The following CD109 variants were observed in gnomAD, a reference collection of about 807,000 sequenced individuals.
The protein encoded by CD109 is CD109 antigen.
CD109 carries 149 observed loss-of-function variants against 165.8 expected under a neutral mutation model. The ratio of observed to expected loss-of-function variants is 0.90; its 90% CI spans 0.79 to 1.03. The LOEUF (loss-of-function observed/expected upper bound fraction) is 1.03. CD109 is among the 50% of genes least tolerant of loss of function. The pLI, the probability that CD109 is intolerant of heterozygous loss-of-function variation, is 0.00. For synonymous variants in CD109, 585 were observed against 592.1 expected (o/e 0.99, Z 0.18); for missense variants, 1,712 against 1,677.8 (o/e 1.02, Z -0.36).
Position 73,763,620 on chromosome 6 carries a change from G to GATT in CD109, c.1044_1046dup (p.Tyr349dup). ...CACTAATGTGTTCTTCAAGCAACAT[G>GATT]ATTACATCATTGAGTTTTTTGATTA... On this transcript the variant is annotated inframe_insertion, in exon 10 of 33. Coordinates refer to ENST00000287097, the MANE Select transcript of CD109 (RefSeq NM_133493.5). 1 of 1,596,410 alleles carries GATT rather than the reference G, an allele frequency of 6.3e-7. No homozygotes were observed. The highest frequency in any genetic ancestry group is 8.5e-7 in the Non-Finnish European group (1 of 1,170,350).
At chr6:73,777,398 GT>G (rs1280188260) in intron 15 of CD109, among the ~76,000 whole-genome samples, 1 of 152,046 alleles carries the variant, frequency 6.6e-6, no homozygotes, top group Non-Finnish European at 1.5e-5. Flanking sequence ...TGTGTTGATA[GT>G]TTCTTTCACT....
At chr6:73,777,798 C>T (rs988914202) in intron 15 of CD109, among the ~76,000 whole-genome samples, 2 of 152,102 alleles carry the variant, frequency 1.3e-5, no homozygotes, top group African/African-American at 2.4e-5. Flanking sequence ...GAGTACCATG[C>T]TGTTTTGGTT....
intron 20 of CD109, 73 bp downstream of exon 20, chr6:73,785,550 G>T: frequency 1.3e-6 from 1 of 781,772 alleles, no homozygotes; most frequent in South Asian, 1.7e-5. Context: ...GGATTGGGTT[G>T]TGTAGTATCT....
rs750803840 is a variant in CD109 at position 73,812,241 on chromosome 6, G to T, written c.3739G>T (p.Ala1247Ser). The T allele has an allele frequency of 6.2e-7, 1 of 1,609,098 alleles. No individual in the cohort carries two copies. Among genetic ancestry groups the T allele is most frequent in the Non-Finnish European group, 8.5e-7 (1 of 1,177,074 alleles). ...ACAGCCAACGGCAGTTAATATTTCC[G>T]CAAATGGTTTTGGATTTGCTATTTG... is the stretch of plus-strand genomic sequence containing the variant. ...VVQPTAVNIS[A>S]NGFGFAICQL... is the part of the protein sequence containing the mutation. Residue 1247 changes from alanine to serine, a missense_variant, in exon 29 of 33, where the codon GCA becomes TCA. Ala to Ser is a moderately conservative substitution (Grantham distance 99). Coordinates refer to ENST00000287097, the MANE Select transcript of CD109 (RefSeq NM_133493.5).
At chr6:73,741,244 A>G (rs763680276) in intron 5 of CD109, among the ~76,000 whole-genome samples, 31 of 152,198 alleles carry the variant, frequency 2.0e-4, no homozygotes, top group Non-Finnish European at 4.0e-4. Flanking sequence ...TAATTGACAC[A>G]CATATTCTAG....
intron 14 of CD109, 45 bp downstream of exon 14, chr6:73,768,276 T>C: frequency 2.6e-6 from 3 of 1,168,274 alleles, no homozygotes; most frequent in Non-Finnish European, 3.7e-6. Context: ...TTTATATTAG[T>C]GAAGTCTGAG....
At chr6:73,751,275 T>C (rs899914359) in intron 5 of CD109, among the ~76,000 whole-genome samples, 2 of 152,226 alleles carry the variant, frequency 1.3e-5, no homozygotes. Flanking sequence ...TTTTCCTTTT[T>C]AGAACTCCTT....
At chr6:73,695,959 A>T (rs572691274), upstream of CD109, 32 of 475,464 alleles carry the variant, frequency 6.7e-5, no homozygotes, top group Non-Finnish European at 1.1e-4. Context: ...TGCGTTTAGC[A>T]ACTGCTTTCT....
Position 73,763,567 on chromosome 6 carries a change from C to T in CD109, c.998-9C>T. The T allele has an allele frequency of 6.7e-7, 1 of 1,481,692 alleles. No individual in the cohort carries two copies. 91.8% of individuals were successfully genotyped at this position (1,481,692 alleles called of 1,614,324 possible). Reference sequence around the variant, plus strand: ...TTTTGCTTTCTAAATTGTGCAATTTCCAAAAAAGGTATTTCAAGAAATGTA... The same window carrying T: ...TTTTGCTTTCTAAATTGTGCAATTTTCAAAAAAGGTATTTCAAGAAATGTA... On this transcript the variant is annotated splice_polypyrimidine_tract_variant and intron_variant, in intron 9 of 32. Transcript: ENST00000287097.
intron 30 of CD109, among the ~76,000 whole-genome samples, chr6:73,816,788 GGA>G (rs1330617406): frequency 1.3e-5 from 2 of 152,194 alleles, no homozygotes; most frequent in African/African-American, 4.8e-5. Flanking sequence ...AGACCCTCAT[GGA>G]GTTAAGAGAG....
chr6:73,736,362 C>T (rs900531354), intron 4 of CD109, 21 bp from the exon 5 acceptor site: 8 of 1,612,072 alleles, frequency 5.0e-6, no homozygotes, highest in Non-Finnish European at 6.8e-6. Context: ...TACATACTTA[C>T]ATGTCTGGTT....
chr6:73,687,546 C>G, the CD109 span, among the ~76,000 whole-genome samples: 3 of 145,762 alleles, frequency 2.1e-5, no homozygotes, highest in Non-Finnish European at 4.5e-5. Flanking sequence ...GAAACATTGT[C>G]TTGATGAACA....
chr6:73,824,284 A>G lies in CD109; in HGVS notation c.*651A>G, dbSNP rs1228090622. Reference sequence around the variant, plus strand: ...TCTGTAGAGAAATGTGAGGGGCAGTACATTTACTGTGCTTTTCACACCATC... The same window carrying G: ...TCTGTAGAGAAATGTGAGGGGCAGTGCATTTACTGTGCTTTTCACACCATC... On this transcript the variant is annotated 3_prime_UTR_variant, in exon 33 of 33. Coordinates refer to ENST00000287097, the MANE Select transcript of CD109 (RefSeq NM_133493.5). 6.6e-6 allele frequency: 1 copy of G among 152,082 alleles called. No individual in the cohort carries two copies. Among genetic ancestry groups the G allele is most frequent in the Non-Finnish European group, 1.5e-5 (1 of 68,068 alleles). 9.4% of individuals were successfully genotyped at this position (152,082 alleles called of 1,614,324 possible). A position where few individuals can be genotyped will look rare whatever the true frequency, so the allele number is the denominator to read the frequency against.
chr6:73,685,777 T>C, the CD109 span, among the ~76,000 whole-genome samples: 11 of 152,198 alleles, frequency 7.2e-5, no homozygotes, highest in Non-Finnish European at 1.3e-4. Flanking sequence ...TAGCTTTCAC[T>C]TATAGGTGAA....
intron 1 of CD109, among the ~76,000 whole-genome samples, chr6:73,696,808 T>G (rs1293491461): frequency 6.6e-6 from 1 of 152,194 alleles, no homozygotes; most frequent in Non-Finnish European, 1.5e-5. Context: ...CCCCTAGTTA[T>G]AGCAGAGAAA....
intron 15 of CD109, among the ~76,000 whole-genome samples, chr6:73,779,503 C>T (rs1447399920): frequency 1.3e-5 from 2 of 152,188 alleles, no homozygotes; most frequent in African/African-American, 4.8e-5. Flanking sequence ...CCGCCTCGGC[C>T]TCCCAAAGTG....
chr6:73,744,173 T>TA (rs1250111665), intron 5 of CD109, among the ~76,000 whole-genome samples: 1 of 152,202 alleles, frequency 6.6e-6, no homozygotes. Flanking sequence ...TTCAGATATT[T>TA]AAAAAAATGT....
At position 73,827,677 on chromosome 6, in the gene CD109, C is replaced by G. The variant is rs1200882185; in HGVS notation, c.*4044C>G. The G allele has an allele frequency of 6.6e-6, 1 of 151,986 alleles. No homozygotes were observed. Among genetic ancestry groups the G allele is most frequent in the African/African-American group, 2.4e-5 (1 of 41,384 alleles). The allele number at this position is 151,986 out of a possible 1,614,324, so 9.4% of individuals were successfully genotyped here. A position where few individuals can be genotyped will look rare whatever the true frequency, so the allele number is the denominator to read the frequency against. On this transcript the variant is annotated 3_prime_UTR_variant, in exon 33 of 33. Coordinates refer to ENST00000287097, the MANE Select transcript of CD109 (RefSeq NM_133493.5). ...TAGCCAGTGAGTTGTGTTTTCATGT[C>G]TCATCAAAAGACAATACCACATTGC...
chr6:73,688,083 T>A, the CD109 span, among the ~76,000 whole-genome samples: 1 of 152,204 alleles, frequency 6.6e-6, no homozygotes, highest in Non-Finnish European at 1.5e-5. Context: ...CAAAATATAG[T>A]AATTAAAATC....
Sources: gnomAD v4.1 joint callset for allele counts (sites outside exome capture counted in the v4.1 genomes callset) on GRCh38, gnomAD v4.1.1 for gene constraint, MANE v1.5 for transcripts, NCBI Gene and HGNC (gene_info 2026-07-23, HGNC 2026-07-21) for gene names.